FAM81A: variants seen among roughly 807,000 people sequenced by gnomAD.
FAM81A encodes family with sequence similarity 81 member A.
In FAM81A, 19 loss-of-function variants were observed where a neutral mutation model predicts 46.7. The ratio of observed to expected loss-of-function variants is 0.41; its 90% CI spans 0.28 to 0.60. The LOEUF is 0.60. Among genes scored for constraint, FAM81A ranks in the 20% least tolerant of loss-of-function variants. The pLI, the probability that FAM81A is intolerant of heterozygous loss-of-function variation, is 0.34. For synonymous variants in FAM81A, 183 were observed against 152.9 expected (o/e 1.20, Z -1.45); for missense variants, 377 against 453.5 (o/e 0.83, Z 1.53).
At chr15:59,492,198 A>G (rs2081988576) in intron 3 of FAM81A, 73 bp from the exon 4 acceptor site, 12 of 1,164,242 alleles carry the variant, frequency 1.0e-5, no homozygotes, top group East Asian at 2.5e-5. Flanking sequence ...TATTTTTGCC[A>G]AAAGTATAAA....
chr15:59,481,832 CT>C (rs1173184929), intron 3 of FAM81A, among the ~76,000 whole-genome samples: 3 of 151,326 alleles, frequency 2.0e-5, no homozygotes, highest in Non-Finnish European at 4.4e-5. Context: ...CCAGCTGTGC[CT>C]TTTTTATTTC....
At chr15:59,439,101 T>TG (rs2081268592) in intron 1 of FAM81A, 1 of 147,166 alleles carries the variant, frequency 6.8e-6, no homozygotes, top group African/African-American at 2.7e-5. Flanking sequence ...GGTTTATGTG[T>TG]GTGTGTGCGC....
chr15:59,471,415 G>T (rs2081687546), intron 3 of FAM81A, among the ~76,000 whole-genome samples: 1 of 152,000 alleles, frequency 6.6e-6, no homozygotes, highest in African/African-American at 2.4e-5. Flanking sequence ...TGTTTTGTCT[G>T]GTATCAGTAC....
intron 2 of FAM81A, among the ~76,000 whole-genome samples, chr15:59,417,194 G>T (rs948322047): frequency 6.6e-6 from 1 of 152,146 alleles, no homozygotes; most frequent in African/African-American, 2.4e-5. Context: ...AGATGGATGC[G>T]TGCTGAATAC....
chr15:59,492,449 A>G (rs4417505), intron 4 of FAM81A, 60 bp downstream of exon 4: 961,289 of 1,330,492 alleles, frequency 0.72, 355,380 homozygotes, highest in Admixed American at 0.78. Flanking sequence ...AAACTCCATT[A>G]TAGTGGGGAA....
At chr15:59,444,376 T>A (rs1179555689) in intron 1 of FAM81A, 18 of 152,192 alleles carry the variant, frequency 1.2e-4, no homozygotes, top group African/African-American at 4.3e-4. Flanking sequence ...GGCATTTTCA[T>A]GTTGTAAGTG....
chr15:59,455,154 A>G (rs1214344202), intron 1 of FAM81A, among the ~76,000 whole-genome samples: 11 of 150,290 alleles, frequency 7.3e-5, no homozygotes, highest in African/African-American at 2.4e-4. Flanking sequence ...ACTTACCTCA[A>G]CCTCCCAAAG....
chr15:59,490,396 G>GAA (rs113943025), intron 3 of FAM81A, among the ~76,000 whole-genome samples: 13,601 of 152,064 alleles, frequency 0.089, 762 homozygotes, highest in African/African-American at 0.16. Context: ...AACTCTATAA[G>GAA]AAAAAAATCT....
At chr15:59,471,069 C>T (rs111234540) in intron 3 of FAM81A, among the ~76,000 whole-genome samples, 4,576 of 152,286 alleles carry the variant, frequency 0.03, 99 homozygotes, top group South Asian at 0.048. Context: ...CCTGCCTCAG[C>T]TTCTCAAAGT....
chr15:59,438,846 A>G (rs2141576869), intron 1 of FAM81A, among the ~76,000 whole-genome samples: 1 of 152,268 alleles, frequency 6.6e-6, no homozygotes, highest in African/African-American at 2.4e-5. Context: ...GTGGTAAGAA[A>G]TGTTATCGTT....
At position 59,455,605 on chromosome 15, in the gene FAM81A, A is replaced by T. The variant is rs140049010; in HGVS notation, c.-77-2945A>T. Among the ~76,000 whole-genome samples, 762 of 152,340 alleles carry T rather than the reference A, an allele frequency of 5.0e-3. 7 individuals are homozygous for T. Among genetic ancestry groups the T allele is most frequent in the African/African-American group, 0.017 (719 of 41,584 alleles). On this transcript the variant is annotated intron_variant, in intron 1 of 8. Coordinates refer to ENST00000288228, the MANE Select transcript of FAM81A (RefSeq NM_152450.3). ...ACCAAGCGACCTGCCAGATATGCAG[A>T]TCCTCACCACATTCATAAAGGGCAC... is the stretch of plus-strand genomic sequence containing the variant.
intron 1 of FAM81A, 97 bp from the exon 2 acceptor site, chr15:59,458,453 C>T (rs773125851): frequency 1.4e-6 from 1 of 730,474 alleles, no homozygotes; most frequent in Non-Finnish European, 2.2e-6. Flanking sequence ...AGTGTTTCAA[C>T]ATAATTTATG....
chr15:59,516,187 C>T (rs772130604), intron 7 of FAM81A, among the ~76,000 whole-genome samples: 5 of 145,232 alleles, frequency 3.4e-5, no homozygotes, highest in South Asian at 2.2e-4. Flanking sequence ...AGTGGAATGG[C>T]GAGATCTTGG....
At chr15:59,401,908 G>A (rs2140462759) in intron 1 of FAM81A, 1 of 762,094 alleles carries the variant, frequency 1.3e-6, no homozygotes, top group East Asian at 2.5e-5. Context: ...GAACATTCAT[G>A]AGCCTCTCGA....
intron 2 of FAM81A, among the ~76,000 whole-genome samples, chr15:59,413,531 T>A (rs1490660748): frequency 1.1e-4 from 16 of 152,142 alleles, no homozygotes; most frequent in African/African-American, 3.9e-4. Context: ...TCAGGGGATA[T>A]AATCTTGGGC....
intron 4 of FAM81A, 23 bp downstream of exon 4, chr15:59,492,412 C>T (rs1203612199): frequency 1.3e-6 from 2 of 1,583,552 alleles, no homozygotes; most frequent in East Asian, 2.2e-5. Context: ...ATGTTGGGGT[C>T]TCTGCTCATC....
chr15:59,478,524 AAG>A (rs1281006627), intron 3 of FAM81A, among the ~76,000 whole-genome samples: 43 of 152,294 alleles, frequency 2.8e-4, no homozygotes, highest in African/African-American at 1.0e-3. Context: ...CCAATGAGGA[AAG>A]AGTTTTGGCT....
intron 5 of FAM81A, 65 bp downstream of exon 5, chr15:59,507,407 G>T: frequency 6.4e-7 from 1 of 1,565,742 alleles, no homozygotes; most frequent in Non-Finnish European, 8.7e-7. Flanking sequence ...ATAACATGGT[G>T]TTGATTATTT....
chr15:59,504,040 A>T (rs1481492981), intron 4 of FAM81A, among the ~76,000 whole-genome samples: 1 of 152,226 alleles, frequency 6.6e-6, no homozygotes, highest in Admixed American at 6.5e-5. Flanking sequence ...TGTAAAGTTG[A>T]TGAAACTGGT....
Sources: allele counts gnomAD v4.1 joint callset (sites outside exome capture counted in the v4.1 genomes callset), GRCh38; gene constraint gnomAD v4.1.1; transcripts MANE v1.5; gene names NCBI Gene and HGNC (gene_info 2026-07-23, HGNC 2026-07-21).